RIPK1: variants seen among roughly 807,000 people sequenced by gnomAD.
The protein encoded by RIPK1 is receptor interacting serine/threonine kinase 1, also known as receptor-interacting serine/threonine-protein kinase 1.
In RIPK1, 27 loss-of-function variants were observed where a neutral mutation model predicts 62.4. That is an observed-to-expected ratio of 0.43 (90% CI 0.32 to 0.60). The LOEUF (loss-of-function observed/expected upper bound fraction) is 0.60. RIPK1 is among the 20% of genes least tolerant of loss of function. RIPK1 has a pLI of 0.07. For synonymous variants in RIPK1, 287 were observed against 303.2 expected (o/e 0.95, Z 0.55); for missense variants, 735 against 831.0 (o/e 0.88, Z 1.42).
intron 1 of RIPK1, 61 bp downstream of exon 1, chr6:3,068,722 C>G (rs1215859912): frequency 1.0e-6 from 1 of 956,070 alleles, no homozygotes; most frequent in African/African-American, 1.8e-5. Context: ...GTCCCGGTGA[C>G]CCCCCTGGTC....
intron 1 of RIPK1, among the ~76,000 whole-genome samples, chr6:3,074,627 A>G (rs998187265): frequency 1.3e-5 from 2 of 152,236 alleles, no homozygotes; most frequent in Non-Finnish European, 2.9e-5. Flanking sequence ...ATGCCCCAGA[A>G]AGAGTATTTT....
At chr6:3,068,380 A>C, upstream of RIPK1, 7 of 985,430 alleles carry the variant, frequency 7.1e-6, no homozygotes, top group Non-Finnish European at 8.4e-6. Context: ...TCTAGCCCGC[A>C]AGAGAGCTCC....
chr6:3,067,636 GAT>G (rs1329353597), upstream of RIPK1, among the ~76,000 whole-genome samples: 1 of 151,804 alleles, frequency 6.6e-6, no homozygotes, highest in African/African-American at 2.4e-5. Flanking sequence ...TGCTTTATCA[GAT>G]ATGTCTTTTG....
At chr6:3,109,861 C>T (rs17548573) in intron 9 of RIPK1, among the ~76,000 whole-genome samples, 3,495 of 152,288 alleles carry the variant, frequency 0.023, 82 homozygotes, top group East Asian at 0.07. Flanking sequence ...AGTCTAGGTA[C>T]CTCATGTGAG....
At chr6:3,066,035 A>T (rs1006141195), upstream of RIPK1, among the ~76,000 whole-genome samples, 2 of 151,936 alleles carry the variant, frequency 1.3e-5, no homozygotes, top group Non-Finnish European at 2.9e-5. Flanking sequence ...GGAGTTTTTT[A>T]TTTTTTATTG....
chr6:3,090,332 A>G (rs1759973095), intron 7 of RIPK1, among the ~76,000 whole-genome samples: 1 of 152,126 alleles, frequency 6.6e-6, no homozygotes, highest in Admixed American at 6.5e-5. Flanking sequence ...ACTGCCATCC[A>G]TCTTCCAGCA....
intron 4 of RIPK1, 78 bp downstream of exon 4, chr6:3,081,194 A>G (rs1759359891): frequency 1.3e-6 from 2 of 1,513,394 alleles, no homozygotes; most frequent in East Asian, 4.5e-5. Flanking sequence ...ATTCTCGTAC[A>G]TTGGAGAAGC....
At chr6:3,098,257 A>G (rs1382098689) in intron 7 of RIPK1, among the ~76,000 whole-genome samples, 1 of 152,270 alleles carries the variant, frequency 6.6e-6, no homozygotes, top group Non-Finnish European at 1.5e-5. Flanking sequence ...ACTTGAATAC[A>G]TAAAATCTAG....
intron 6 of RIPK1, among the ~76,000 whole-genome samples, chr6:3,086,612 C>T (rs1759706517): frequency 1.3e-5 from 2 of 152,172 alleles, no homozygotes; most frequent in South Asian, 2.1e-4. Context: ...TCAGAAACAG[C>T]CAAATGGAAG....
In RIPK1 at chr6:3,084,692, C is replaced by G. The variant is rs571417660; in HGVS notation, c.689-567C>G. On this transcript the variant is annotated intron_variant, in intron 5 of 10. Coordinates refer to ENST00000259808, the MANE Select transcript of RIPK1 (RefSeq NM_001354930.2). ...CACTGCAGCCTCCACCTCCCAGGTT[C>G]AAGCAATTCTTCTGCCTCAGCCTCC... 4.6e-5 allele frequency among the ~76,000 whole-genome samples: 7 copies of G among 151,104 alleles called. No individual in the cohort carries two copies. The South Asian group carries it at 1.3e-3, about 27-fold the overall frequency.
chr6:3,113,485 G>A lies in RIPK1; in HGVS notation c.*146G>A. Reference sequence around the variant, plus strand: ...ATTTTGTTTCCTGTACTTCATAGCTGGAGAATGGGGAAAGAAATCTGCAGC... The same window carrying A: ...ATTTTGTTTCCTGTACTTCATAGCTAGAGAATGGGGAAAGAAATCTGCAGC... On this transcript the variant is annotated 3_prime_UTR_variant, in exon 11 of 11. Coordinates refer to ENST00000259808, the MANE Select transcript of RIPK1 (RefSeq NM_001354930.2). This position sits in a 1 kb window ranked among gnomAD's most constrained non-coding sequence, Gnocchi z 5.0. The A allele has an allele frequency of 1.5e-6, 1 of 683,372 alleles. No individual in the cohort carries two copies. 42.3% of individuals were successfully genotyped at this position (683,372 alleles called of 1,614,324 possible).
chr6:3,068,396 T>G (rs1288276201), upstream of RIPK1: 49 of 985,304 alleles, frequency 5.0e-5, no homozygotes, highest in Non-Finnish European at 5.5e-5. Context: ...GCTCCGGGAC[T>G]CAGACCCCGG....
rs1760492867 is a variant in RIPK1 at position 3,099,555 on chromosome 6, C to A, written c.916-4670C>A. Among the ~76,000 whole-genome samples, 3 of 152,040 alleles carry A rather than the reference C, an allele frequency of 2.0e-5. 1 individual carries two copies. In the South Asian group the frequency reaches 6.2e-4, roughly 32 times the overall value. On this transcript the variant is annotated intron_variant, in intron 7 of 10. Transcript: ENST00000259808. The stretch of plus-strand genomic sequence containing the variant: ...TGAGACTCCGTCTCAAAAAAACAAA[C>A]AAAAAAACCAAAATAAAAGAAAAAT...
In RIPK1 at chr6:3,079,294, G is replaced by A. The variant is rs993938649; in HGVS notation, c.321+1359G>A. Among the ~76,000 whole-genome samples, 76 of 152,204 alleles carry A rather than the reference G, an allele frequency of 5.0e-4. 1 individual carries two copies. The highest frequency in any genetic ancestry group is 3.9e-4 in the East Asian group (2 of 5,182). On this transcript the variant is annotated intron_variant, in intron 3 of 10. Coordinates refer to ENST00000259808, the MANE Select transcript of RIPK1 (RefSeq NM_001354930.2). ...AAGTTTTCACCATGTTGGTCAGGCT[G>A]GTCTCGAACTCCTGACCTCGTGATC... is the stretch of plus-strand genomic sequence containing the variant.
upstream of RIPK1, among the ~76,000 whole-genome samples, chr6:3,064,478 A>G (rs1049462820): frequency 2.0e-5 from 3 of 152,052 alleles, no homozygotes. Context: ...ACCCATTCTA[A>G]TTCTTTCAGT....
chr6:3,065,116 G>C (rs1758318847), upstream of RIPK1, among the ~76,000 whole-genome samples: 1 of 151,854 alleles, frequency 6.6e-6, no homozygotes, highest in South Asian at 2.1e-4. Context: ...AAATAGCCGG[G>C]CGTGGTGGCG....
intron 1 of RIPK1, among the ~76,000 whole-genome samples, chr6:3,070,948 T>C (rs1016951766): frequency 2.0e-5 from 3 of 152,246 alleles, no homozygotes; most frequent in Non-Finnish European, 2.9e-5. Flanking sequence ...CCTACCACTT[T>C]AGGTGAATCA....
intron 4 of RIPK1, 112 bp downstream of exon 4, chr6:3,081,228 A>G (rs1236721370): frequency 3.3e-6 from 4 of 1,222,478 alleles, no homozygotes; most frequent in Middle Eastern, 2.0e-4. Context: ...AGCTCAGCTT[A>G]TAACTGTTGA....
intron 1 of RIPK1, among the ~76,000 whole-genome samples, chr6:3,070,557 C>T (rs1025377525): frequency 4.6e-5 from 7 of 152,218 alleles, no homozygotes; most frequent in African/African-American, 1.7e-4. Flanking sequence ...CCTGCCTCAG[C>T]CTCCCAAGAA....
Sources: allele counts gnomAD v4.1 joint callset (sites outside exome capture counted in the v4.1 genomes callset), GRCh38; gene constraint gnomAD v4.1.1; non-coding constraint Gnocchi (gnomAD v3.1); transcripts MANE v1.5; gene names NCBI Gene and HGNC (gene_info 2026-07-23, HGNC 2026-07-21).